WDR4: variants seen among roughly 807,000 people sequenced by gnomAD.
The protein encoded by WDR4 is WDR4 tRNA N7-guanosine methyltransferase non-catalytic subunit, also known as tRNA (guanine-N(7)-)-methyltransferase non-catalytic subunit WDR4.
WDR4 carries 47 observed loss-of-function variants against 48.6 expected under a neutral mutation model. The ratio of observed to expected loss-of-function variants is 0.97; its 90% CI spans 0.77 to 1.23. The LOEUF (loss-of-function observed/expected upper bound fraction) is 1.23. Among genes scored for constraint, WDR4 ranks in the 50% most tolerant of loss-of-function variants. WDR4 has a pLI of 0.00. For missense variants in WDR4, 606 were observed against 551.6 expected (o/e 1.10, Z -0.99); for synonymous variants, 268 against 230.0 (o/e 1.17, Z -1.49).
chr21:42,850,240 A>G lies in WDR4; in HGVS notation c.1048T>C (p.Ser350Pro). ...CTGAAGCTGGCGTCTGCGCCGGCAG[A>G]GCCTGTGATGGGGGAACAAGGACAG... ...LRGNWAMLEG[S>P]AGADASFSSL... The change falls in exon 11 of 11, where the codon TCT becomes CCT. Residue 350 changes from serine (S) to proline (P), a missense_variant and splice_region_variant. Ser to Pro is a moderately conservative substitution (Grantham distance 74). Transcript: ENST00000398208. The G allele has an allele frequency of 6.3e-7, 1 of 1,590,464 alleles. No individual in the cohort carries two copies. The highest frequency in any genetic ancestry group is 8.6e-7 in the Non-Finnish European group (1 of 1,167,196).
Position 42,864,023 on chromosome 21 carries a change from C to T in WDR4, c.297-427G>A, listed in dbSNP as rs567584700. ...TCGGGAGGCTGAGGCGGGAGAATGG[C>T]GTGAACCCGGGAGGCGGAGCTTGCA... On this transcript the variant is annotated intron_variant, in intron 3 of 10. Coordinates refer to ENST00000398208, the MANE Select transcript of WDR4 (RefSeq NM_018669.6). Among the ~76,000 whole-genome samples the T allele has an allele frequency of 6.5e-5, 5 of 76,548 alleles. 1 individual carries two copies. The highest frequency in any genetic ancestry group is 2.7e-4 in the East Asian group (1 of 3,728). The allele number at this position is 76,548 out of a possible 152,430, so 50.2% of individuals were successfully genotyped here.
At chr21:42,871,911 T>C (rs1427761209) in intron 3 of WDR4, among the ~76,000 whole-genome samples, 1 of 152,184 alleles carries the variant, frequency 6.6e-6, no homozygotes, top group Non-Finnish European at 1.5e-5. Context: ...GATGCAGCGT[T>C]TCAGGGCTTT....
rs1569323531 is a variant in WDR4 at position 42,862,023 on chromosome 21, G to A, written c.566+259C>T. On this transcript the variant is annotated intron_variant, in intron 5 of 10. Coordinates refer to ENST00000398208, the MANE Select transcript of WDR4 (RefSeq NM_018669.6). This position sits in a 1 kb window ranked among gnomAD's most constrained non-coding sequence, Gnocchi z 4.3. ...TCCACACTGAGACAGGGGTTTCCCG[G>A]AAACAAGCCCTTCCTGTTCGGTCAG... Among the ~76,000 whole-genome samples the A allele has an allele frequency of 6.6e-6, 1 of 152,190 alleles. No homozygotes were observed. The highest frequency in any genetic ancestry group is 1.5e-5 in the Non-Finnish European group (1 of 68,038).
intron 1 of WDR4, among the ~76,000 whole-genome samples, chr21:42,877,340 C>T (rs2058517483): frequency 6.6e-6 from 1 of 151,152 alleles, no homozygotes; most frequent in Non-Finnish European, 1.5e-5. Context: ...GACGGGGTTT[C>T]GCCATGTTGG....
intron 3 of WDR4, among the ~76,000 whole-genome samples, chr21:42,871,045 G>A (rs922844367): frequency 2.0e-5 from 3 of 152,148 alleles, no homozygotes; most frequent in Non-Finnish European, 4.4e-5. Context: ...TGAAACAGAG[G>A]TCATTGGGAT....
chr21:42,885,936 A>G, the WDR4 span, among the ~76,000 whole-genome samples: 1 of 149,778 alleles, frequency 6.7e-6, no homozygotes, highest in Non-Finnish European at 1.5e-5. Context: ...GCTTCAGGCA[A>G]TCCTCCCACC....
rs769600543 is a variant in WDR4 at position 42,862,425 on chromosome 21, C to A, written c.454-31G>T. 1 of 1,555,308 alleles carries A rather than the reference C, an allele frequency of 6.4e-7. No individual in the cohort carries two copies. Among genetic ancestry groups the A allele is most frequent in the South Asian group, 1.2e-5 (1 of 85,344 alleles). ...TCACCAGGGGCCAGAAAAGAAAAAG[C>A]CGCTCACCTGAGTCTTCCCGAATCA... On this transcript the variant is annotated intron_variant, in intron 4 of 10. Transcript: ENST00000398208. The surrounding 1 kb of genome is among the most constrained non-coding windows in gnomAD (Gnocchi z 4.3).
intron 3 of WDR4, among the ~76,000 whole-genome samples, chr21:42,864,818 C>A (rs964790329): frequency 2.0e-5 from 3 of 152,144 alleles, no homozygotes; most frequent in Non-Finnish European, 4.4e-5. Context: ...GGCAGGGACC[C>A]ATATGTTCTA....
chr21:42,879,551 C>T (rs541157732), upstream of WDR4: 12 of 1,590,942 alleles, frequency 7.5e-6, no homozygotes, highest in East Asian at 1.4e-4. Flanking sequence ...TCTTCCTGTC[C>T]GCACCGGTCG....
At position 42,873,632 on chromosome 21, in the gene WDR4, G is replaced by A; in HGVS notation, c.215C>T (p.Ser72Phe). The A allele has an allele frequency of 6.2e-7, 1 of 1,614,170 alleles. No homozygotes were observed. The highest frequency in any genetic ancestry group is 1.7e-5 in the Admixed American group (1 of 60,010). Residue 72 changes from serine to phenylalanine, a missense_variant, in exon 3 of 11, where the codon TCT becomes TTT. Coordinates refer to ENST00000398208, the MANE Select transcript of WDR4 (RefSeq NM_018669.6). ...GAILASTFSKSGSYFALTDDS... is the reference protein window; with the variant it reads ...GAILASTFSKFGSYFALTDDS... ...ATCGGTTAAAGCAAAATAGCTGCCAGACTTGGAGAAGGTGGACGCCAGAAT... is the reference window on the plus strand; with the variant it reads ...ATCGGTTAAAGCAAAATAGCTGCCAAACTTGGAGAAGGTGGACGCCAGAAT...
At chr21:42,857,634 G>A (rs1373010899) in intron 6 of WDR4, among the ~76,000 whole-genome samples, 1 of 152,118 alleles carries the variant, frequency 6.6e-6, no homozygotes, top group Non-Finnish European at 1.5e-5. Flanking sequence ...GAGAATGGGT[G>A]GCTGCAAAAA....
chr21:42,877,709 T>C (rs1190754185), intron 1 of WDR4, among the ~76,000 whole-genome samples: 2 of 152,074 alleles, frequency 1.3e-5, no homozygotes, highest in African/African-American at 2.4e-5. Flanking sequence ...GGAATTAATA[T>C]GCTATTCTTT....
chr21:42,850,310 C>A, intron 10 of WDR4, 68 bp from the exon 11 acceptor site: 2 of 1,421,720 alleles, frequency 1.4e-6, no homozygotes, highest in Admixed American at 4.7e-5. Flanking sequence ...CCACAGCGGG[C>A]CCCCTGCAGC....
chr21:42,843,227 C>T (rs1189599858), exon 12 of WDR4: 2 of 152,148 alleles, frequency 1.3e-5, no homozygotes, highest in South Asian at 2.1e-4. Flanking sequence ...CGACAGATCG[C>T]ACGCAAGTGG....
chr21:42,863,518 G>A lies in WDR4; in HGVS notation c.375C>T (p.Asp125=), dbSNP rs779659247. 1.7e-5 allele frequency: 27 copies of A among 1,613,818 alleles called. No homozygotes were observed. Among genetic ancestry groups the A allele is most frequent in the Middle Eastern group, 1.6e-4 (1 of 6,084 alleles). Residue 125 remains aspartate (D), a synonymous_variant, in exon 4 of 11, where the codon GAC becomes GAT. Transcript: ENST00000398208. ...GCTCCAGCACCGAAAAGGAGTAGAC[G>A]TCTCCAGACTTGTCGGCCACCAAGA... The part of the protein sequence containing the change: ...EKVLVADKSG[D]VYSFSVLEPH...
At chr21:42,850,960 A>T (rs910238111) in intron 10 of WDR4, among the ~76,000 whole-genome samples, 1 of 152,078 alleles carries the variant, frequency 6.6e-6, no homozygotes, top group Admixed American at 6.5e-5. Context: ...AAGCCTGCCC[A>T]TCCAGCAGGT....
chr21:42,848,738 G>A (rs1273886095), downstream of WDR4, among the ~76,000 whole-genome samples: 1 of 53,854 alleles, frequency 1.9e-5, no homozygotes, highest in Non-Finnish European at 3.5e-5. Context: ...CACACGGCGC[G>A]CACCTCACAC....
At chr21:42,850,429 G>A (rs2057795039) in intron 10 of WDR4, among the ~76,000 whole-genome samples, 187 bp from the exon 11 acceptor site, 1 of 152,230 alleles carries the variant, frequency 6.6e-6, no homozygotes, top group African/African-American at 2.4e-5. Flanking sequence ...GGCTGGACCT[G>A]AGGACTGGCT....
At chr21:42,847,648 A>C (rs965829594), downstream of WDR4, among the ~76,000 whole-genome samples, 1 of 152,250 alleles carries the variant, frequency 6.6e-6, no homozygotes, top group African/African-American at 2.4e-5. Context: ...TAAGACATGG[A>C]CAGACAGGCA....
Sources: gnomAD v4.1 joint callset for allele counts (sites outside exome capture counted in the v4.1 genomes callset) on GRCh38, gnomAD v4.1.1 for gene constraint, Gnocchi (gnomAD v3.1) non-coding constraint, MANE v1.5 for transcripts, NCBI Gene and HGNC (gene_info 2026-07-23, HGNC 2026-07-21) for gene names.